Variants in TRIP12 observed in about 807,000 individuals in gnomAD.
The protein encoded by TRIP12 is E3 ubiquitin-protein ligase TRIP12.
In TRIP12, 25 loss-of-function variants were observed where a neutral mutation model predicts 244.2. The ratio of observed to expected loss-of-function variants is 0.10; its 90% CI spans 0.07 to 0.14. The LOEUF is 0.14. Ranked by LOEUF, TRIP12 falls within the 10% of genes least tolerant of loss-of-function variation. The probability of loss-of-function intolerance (pLI) is 1.00; values close to 1 mark genes in which losing one functional copy is unlikely to be tolerated. For missense variants in TRIP12, 1,677 were observed against 2,486.4 expected (o/e 0.67, Z 6.92); for synonymous variants, 905 against 873.1 (o/e 1.04, Z -0.64).
intron 16 of TRIP12, 141 bp from the exon 17 acceptor site, chr2:229,808,005 G>T: frequency 6.4e-6 from 6 of 930,432 alleles, no homozygotes; most frequent in African/African-American, 3.3e-5. Context: ...TCACTCTGTC[G>T]CCCAGGCTGG....
At chr2:229,822,006 G>T (rs1482543778) in intron 8 of TRIP12, among the ~76,000 whole-genome samples, 2 of 152,156 alleles carry the variant, frequency 1.3e-5, no homozygotes, top group Non-Finnish European at 2.9e-5. Context: ...CGGGCGCGGT[G>T]GTGTGCACCT....
At chr2:229,862,567 A>G (rs1375109869) in intron 2 of TRIP12, among the ~76,000 whole-genome samples, 1 of 152,222 alleles carries the variant, frequency 6.6e-6, no homozygotes, top group East Asian at 1.9e-4. Flanking sequence ...ATTCCTTGAT[A>G]ATTAAACAAC....
chr2:229,823,424 A>T (rs938935132), intron 8 of TRIP12, among the ~76,000 whole-genome samples: 1 of 152,094 alleles, frequency 6.6e-6, no homozygotes, highest in Admixed American at 6.6e-5. Flanking sequence ...CTGTAGTCCC[A>T]GCATTTTGAG....
chr2:229,854,095 T>C (rs964397670), intron 4 of TRIP12, among the ~76,000 whole-genome samples: 8 of 152,324 alleles, frequency 5.3e-5, no homozygotes, highest in East Asian at 1.9e-4. Context: ...TTTTGTTATA[T>C]GGATATATTG....
At chr2:229,796,944 A>C (rs1559468848) in intron 24 of TRIP12, among the ~76,000 whole-genome samples, 162 bp from the exon 25 acceptor site, 3 of 109,770 alleles carry the variant, frequency 2.7e-5, no homozygotes, top group Admixed American at 9.1e-5. Context: ...TTATGATTTT[A>C]AACACACACA....
At position 229,791,177 on chromosome 2, in the gene TRIP12, G is replaced by A. The variant is rs773380568; in HGVS notation, c.4490C>T (p.Ala1497Val). The stretch of plus-strand genomic sequence containing the variant: ...ATTTCTAGGGGAAGTTTTCGTTGGA[G>A]CTGTTTGGGCTCTTCCTCTTTTACC... Reference protein sequence around the residue: ...VGGKRGRAQTAPTKTSPRNAK... With the variant: ...VGGKRGRAQTVPTKTSPRNAK... The change falls in exon 30 of 42, where the codon GCT becomes GTT. Residue 1497 changes from alanine (A) to valine (V), a missense_variant. This residue lies in a region of TRIP12 where 265 missense variants were observed against 370.8 expected (regional missense o/e 0.71). Transcript: ENST00000675903. 6 of 1,614,100 alleles carry A rather than the reference G, an allele frequency of 3.7e-6. No individual in the cohort carries two copies. The East Asian group carries it at 8.9e-5, about 24-fold the overall frequency.
In TRIP12 at chr2:229,791,935, C is replaced by T; in HGVS notation, c.4346G>A (p.Arg1449Lys). 1 of 1,614,124 alleles carries T rather than the reference C, an allele frequency of 6.2e-7. No homozygotes were observed. The highest frequency in any genetic ancestry group is 8.5e-7 in the Non-Finnish European group (1 of 1,179,978). The part of the protein sequence containing the change: ...RQFSIQAEDE[R>K]ESTDDESNPL... ...ATTGCTCTCATCATCTGTGGATTCT[C>T]TTTCATCTTCAGCCTGTATACTAAA... Residue 1449 changes from arginine to lysine, a missense_variant, in exon 29 of 42, where the codon AGA (arginine) becomes AAA (lysine). By Grantham distance (26) the Arg-to-Lys change is conservative. Around this residue, in one of 11 missense-constraint regions of TRIP12, gnomAD observed 265 missense variants for 370.8 expected, o/e 0.71. Transcript: ENST00000675903.
chr2:229,893,982 G>A (rs1384222010), intron 1 of TRIP12, among the ~76,000 whole-genome samples: 1 of 152,006 alleles, frequency 6.6e-6, no homozygotes, highest in African/African-American at 2.4e-5. Flanking sequence ...CAAAGTATTG[G>A]CCATCTCTGC....
intron 1 of TRIP12, among the ~76,000 whole-genome samples, chr2:229,897,748 A>C (rs2069295631): frequency 6.6e-6 from 1 of 152,364 alleles, no homozygotes; most frequent in South Asian, 2.1e-4. Flanking sequence ...GCCCCATGGC[A>C]CTTTGCAAAC....
At chr2:229,819,723 T>C (rs2049510839) in intron 8 of TRIP12, among the ~76,000 whole-genome samples, 1 of 152,220 alleles carries the variant, frequency 6.6e-6, no homozygotes, top group Non-Finnish European at 1.5e-5. Flanking sequence ...AAATTGGACT[T>C]TTCCAGTCCT....
chr2:229,787,297 A>C (rs1478885939), intron 33 of TRIP12, among the ~76,000 whole-genome samples: 1 of 152,186 alleles, frequency 6.6e-6, no homozygotes, highest in Non-Finnish European at 1.5e-5. Flanking sequence ...ATTATTTCAG[A>C]AACTGGGGGG....
chr2:229,838,438 G>C (rs898401731), intron 5 of TRIP12, among the ~76,000 whole-genome samples: 2 of 152,156 alleles, frequency 1.3e-5, no homozygotes, highest in African/African-American at 4.8e-5. Flanking sequence ...ATTCAGAAAA[G>C]ATTTGCCATG....
chr2:229,773,980 G>C (rs2035411648), intron 38 of TRIP12, 117 bp downstream of exon 38: 1 of 1,027,858 alleles, frequency 9.7e-7, no homozygotes, highest in East Asian at 2.4e-5. Flanking sequence ...TTCATGCAGT[G>C]GTCCTGGGGA....
intron 8 of TRIP12, among the ~76,000 whole-genome samples, chr2:229,823,763 G>T (rs1371681698): frequency 2.6e-5 from 4 of 152,012 alleles, no homozygotes; most frequent in Non-Finnish European, 5.9e-5. Flanking sequence ...GAAGCGGGAG[G>T]ATCACTTGAG....
Position 229,802,269 on chromosome 2 carries a change from T to C in TRIP12, c.3189A>G (p.Leu1063=). The C allele has an allele frequency of 1.9e-6, 3 of 1,602,510 alleles. No individual in the cohort carries two copies. The highest frequency in any genetic ancestry group is 2.6e-6 in the Non-Finnish European group (3 of 1,171,118). ...PSLQHSRDDS[L]DLSPQGRLSD... ...TTACTTACCCTTGAGGGCTGAGATC[T>C]AAAGAATCATCCCTGCTGTGCTGCA... The change falls in exon 21 of 42, where the codon TTA becomes TTG. Residue 1063 remains leucine, a synonymous_variant. Coordinates refer to ENST00000675903, the MANE Select transcript of TRIP12 (RefSeq NM_001348323.3).
chr2:229,880,863 G>A (rs553376140), intron 1 of TRIP12, among the ~76,000 whole-genome samples: 28 of 152,262 alleles, frequency 1.8e-4, no homozygotes, highest in Non-Finnish European at 1.2e-4. Flanking sequence ...AGAATCGCTC[G>A]AACCCGGGAG....
intron 6 of TRIP12, 120 bp from the exon 7 acceptor site, chr2:229,830,959 T>C (rs1057320305): frequency 1.3e-6 from 1 of 782,364 alleles, no homozygotes; most frequent in Non-Finnish European, 2.2e-6. Flanking sequence ...TAAACTTGTC[T>C]TGCTACTGTA....
At chr2:229,846,742 G>A (rs1336370868) in intron 4 of TRIP12, among the ~76,000 whole-genome samples, 1 of 152,166 alleles carries the variant, frequency 6.6e-6, no homozygotes, top group Non-Finnish European at 1.5e-5. Context: ...AAATAACTCA[G>A]TAATAATAAG....
Position 229,812,006 on chromosome 2 carries a change from A to T in TRIP12, c.1987-802T>A, listed in dbSNP as rs73099282. ...AATTCTTTTATCTTATTTCTAAAGA[A>T]TATCATATGGAACTGATTATCACAT... is the stretch of plus-strand genomic sequence containing the variant. On this transcript the variant is annotated intron_variant, in intron 13 of 41. Coordinates refer to ENST00000675903, the MANE Select transcript of TRIP12 (RefSeq NM_001348323.3). Among the ~76,000 whole-genome samples the T allele has an allele frequency of 4.4e-3, 676 of 152,360 alleles. 6 individuals are homozygous for T. The highest frequency in any genetic ancestry group is 0.016 in the African/African-American group (655 of 41,590).
Sources: allele counts gnomAD v4.1 joint callset (sites outside exome capture counted in the v4.1 genomes callset), GRCh38; gene constraint gnomAD v4.1.1; regional missense constraint gnomAD v4.1.1; transcripts MANE v1.5; gene names NCBI Gene and HGNC (gene_info 2026-07-23, HGNC 2026-07-21).